Variants in OSBP2 observed in about 807,000 individuals in gnomAD.
The protein encoded by OSBP2 is oxysterol binding protein 2, also known as oxysterol-binding protein 2.
A neutral mutation model predicts 96.0 loss-of-function variants in OSBP2; 66 were observed. The observed-to-expected ratio is 0.69, with a 90% confidence interval of 0.56 to 0.84. OSBP2 has a LOEUF of 0.84. Ranked by LOEUF, OSBP2 falls within the 40% of genes least tolerant of loss-of-function variation. The pLI is 0.00. For synonymous variants in OSBP2, 525 were observed against 520.9 expected (o/e 1.01, Z -0.11); for missense variants, 1,038 against 1,222.7 (o/e 0.85, Z 2.25).
chr22:30,825,537 A>G (rs889855408), intron 2 of OSBP2, among the ~76,000 whole-genome samples: 1 of 152,208 alleles, frequency 6.6e-6, no homozygotes, highest in Admixed American at 6.5e-5. Flanking sequence ...CAATGGGGGA[A>G]GCACCCACTT....
rs1019491597 is a variant in OSBP2, at chr22:30,894,094, G to A, written c.2375+93G>A. ...AACTGACAGGCACAGGAGGTCGGGAGGGTTCAGTCCACACATGGGCAGAGA... is the reference window on the plus strand; with the variant it reads ...AACTGACAGGCACAGGAGGTCGGGAAGGTTCAGTCCACACATGGGCAGAGA... On this transcript the variant is annotated intron_variant, in intron 12 of 13. Coordinates refer to ENST00000332585, the MANE Select transcript of OSBP2 (RefSeq NM_030758.4). 28 of 1,127,198 alleles carry A rather than the reference G, an allele frequency of 2.5e-5. No homozygotes were observed. The Admixed American group carries it at 5.6e-4, about 23-fold the overall frequency. The allele number at this position is 1,127,198 out of a possible 1,614,324, so 69.8% of individuals were successfully genotyped here.
At chr22:30,836,092 TG>T (rs2038626646) in intron 2 of OSBP2, among the ~76,000 whole-genome samples, 1 of 152,204 alleles carries the variant, frequency 6.6e-6, no homozygotes. Flanking sequence ...TTCTCTCCTC[TG>T]ATCCACTCTA....
intron 12 of OSBP2, among the ~76,000 whole-genome samples, chr22:30,903,582 T>C (rs978297702): frequency 1.3e-5 from 2 of 152,242 alleles, no homozygotes; most frequent in Non-Finnish European, 2.9e-5. Context: ...CGAGGCTGTG[T>C]CCCAATGAGT....
chr22:30,803,131 A>G, intron 2 of OSBP2: 1 of 201,378 alleles, frequency 5.0e-6, no homozygotes. Context: ...GAGCCCTCGC[A>G]GCCTCGGGGC....
Position 30,694,965 on chromosome 22 carries a change from G to T in OSBP2, c.56G>T (p.Gly19Val). ...GGCGGCTGTGGCGGCCGCTCCCGCG[G>T]GCTCTCGTCGCTGTTCACGGTTGTC... is the stretch of plus-strand genomic sequence containing the variant. ...RGGGCGGRSR[G>V]LSSLFTVVPC... Residue 19 changes from glycine to valine, a missense_variant, in exon 1 of 14, where the codon GGG becomes GTG. Gly to Val is a moderately radical substitution (Grantham distance 109). Transcript: ENST00000332585. 3 of 1,499,572 alleles carry T rather than the reference G, an allele frequency of 2.0e-6. No homozygotes were observed. Among genetic ancestry groups the T allele is most frequent in the Non-Finnish European group, 2.6e-6 (3 of 1,132,312 alleles). 92.9% of individuals were successfully genotyped at this position (1,499,572 alleles called of 1,614,324 possible).
Position 30,887,429 on chromosome 22 carries a change from T to C in OSBP2, c.1111T>C (p.Cys371Arg). The change falls in exon 4 of 14, where the codon TGC becomes CGC. Residue 371 changes from cysteine to arginine, a missense_variant. By Grantham distance (180) the Cys-to-Arg change is radical. This residue lies in a region of OSBP2 where 737 missense variants were observed against 913.3 expected (regional missense o/e 0.81). Transcript: ENST00000332585. ...ACCGCCACTCCTCCCTCCCCAGGCC[T>C]GCAGGGACTTCTTGGAACTAGCAGA... ...RITSNAMINACRDFLELAEIH... is the reference protein window; with the variant it reads ...RITSNAMINARRDFLELAEIH... 6.2e-7 allele frequency: 1 copy of C among 1,612,410 alleles called. No homozygotes were observed. Among genetic ancestry groups the C allele is most frequent in the Non-Finnish European group, 8.5e-7 (1 of 1,178,966 alleles).
chr22:30,733,409 G>A (rs542456573), intron 1 of OSBP2, among the ~76,000 whole-genome samples: 20 of 152,332 alleles, frequency 1.3e-4, no homozygotes, highest in Admixed American at 8.5e-4. Context: ...GGGGATAAAT[G>A]AAGAGCATTT....
Position 30,695,465 on chromosome 22 carries a change from G to A in OSBP2, c.556G>A (p.Glu186Lys), listed in dbSNP as rs959966548. The A allele has an allele frequency of 1.3e-5, 21 of 1,613,404 alleles. No homozygotes were observed. Among genetic ancestry groups the A allele is most frequent in the Non-Finnish European group, 1.4e-5 (16 of 1,180,050 alleles). Reference sequence around the variant, plus strand: ...GGCCTTACTGCCTCTGGACAGCTTCGAGGGCTGGCTTCTCAAGTGGACCAA... The same window carrying A: ...GGCCTTACTGCCTCTGGACAGCTTCAAGGGCTGGCTTCTCAAGTGGACCAA... ...PLALLPLDSFEGWLLKWTNYL... is the reference protein window; with the variant it reads ...PLALLPLDSFKGWLLKWTNYL... Residue 186 changes from glutamate to lysine, a missense_variant, in exon 1 of 14, where the codon GAG becomes AAG. This residue lies in a region of OSBP2 where 281 missense variants were observed against 273.4 expected (regional missense o/e 1.03). Coordinates refer to ENST00000332585, the MANE Select transcript of OSBP2 (RefSeq NM_030758.4).
chr22:30,897,807 G>A (rs536686480), intron 12 of OSBP2, among the ~76,000 whole-genome samples: 11 of 152,120 alleles, frequency 7.2e-5, no homozygotes, highest in South Asian at 4.2e-4. Flanking sequence ...AAAATTAGCC[G>A]AGCGTGGTGG....
chr22:30,731,378 C>G (rs1021639005), intron 1 of OSBP2, among the ~76,000 whole-genome samples: 1 of 152,064 alleles, frequency 6.6e-6, no homozygotes, highest in Admixed American at 6.6e-5. Context: ...ATGGACTTTT[C>G]CAGAACTTAC....
intron 2 of OSBP2, among the ~76,000 whole-genome samples, chr22:30,869,917 A>G (rs1203669548): frequency 1.3e-5 from 2 of 152,140 alleles, no homozygotes; most frequent in Non-Finnish European, 2.9e-5. Flanking sequence ...CAGGGGACAG[A>G]TTGGTGTGGC....
chr22:30,730,490 A>G (rs1354545026), intron 1 of OSBP2, among the ~76,000 whole-genome samples: 1 of 151,740 alleles, frequency 6.6e-6, no homozygotes, highest in African/African-American at 2.4e-5. Context: ...TGTCGTATTT[A>G]TTTTTGTATC....
intron 2 of OSBP2, among the ~76,000 whole-genome samples, chr22:30,757,664 C>T (rs979069199): frequency 3.3e-5 from 5 of 152,032 alleles, no homozygotes; most frequent in African/African-American, 4.8e-5. Flanking sequence ...GTGGTCTGCC[C>T]GCCTCGGCCT....
chr22:30,752,153 C>A (rs1261014295), intron 2 of OSBP2, among the ~76,000 whole-genome samples: 1 of 152,140 alleles, frequency 6.6e-6, no homozygotes, highest in Non-Finnish European at 1.5e-5. Flanking sequence ...AGTAGTGATT[C>A]TCTGCCTGTG....
At chr22:30,707,649 G>A (rs988985587) in intron 1 of OSBP2, among the ~76,000 whole-genome samples, 16 of 151,232 alleles carry the variant, frequency 1.1e-4, no homozygotes, top group East Asian at 2.0e-4. Context: ...CCCGGGTGGC[G>A]GAGCTTGCAG....
At chr22:30,782,755 C>T (rs750470498) in intron 2 of OSBP2, among the ~76,000 whole-genome samples, 4 of 152,118 alleles carry the variant, frequency 2.6e-5, no homozygotes, top group African/African-American at 7.2e-5. Flanking sequence ...TGGACATACA[C>T]GTTTTTTTAT....
chr22:30,870,439 G>A lies in OSBP2; in HGVS notation c.864G>A (p.Gly288=). The A allele has an allele frequency of 1.2e-6, 2 of 1,613,894 alleles. No individual in the cohort carries two copies. The highest frequency in any genetic ancestry group is 2.7e-5 in the African/African-American group (2 of 75,052). The change falls in exon 3 of 14, where the codon GGG becomes GGA. Residue 288 remains glycine, a synonymous_variant. Transcript: ENST00000332585. The surrounding 1 kb of genome is among the most constrained non-coding windows in gnomAD (Gnocchi z 4.1). The stretch of plus-strand genomic sequence containing the variant: ...TATTTTCTTCCACAGATGACTCTGG[G>A]GACGACGACGAGGCTACCACCCCAG... ...RVMNTHSDDS[G]DDDEATTPAD... is the part of the protein sequence containing the mutation.
At chr22:30,789,330 G>A (rs1254633687) in intron 2 of OSBP2, among the ~76,000 whole-genome samples, 1 of 152,110 alleles carries the variant, frequency 6.6e-6, no homozygotes, top group African/African-American at 2.4e-5. Context: ...AGAGAGAGGG[G>A]GCCTGAATCT....
intron 2 of OSBP2, among the ~76,000 whole-genome samples, chr22:30,815,003 C>T (rs749912702): frequency 7.2e-5 from 11 of 151,892 alleles, no homozygotes; most frequent in Non-Finnish European, 1.3e-4. Flanking sequence ...TGGGCTGGGC[C>T]GGGCACGGTG....
Sources: allele counts gnomAD v4.1 joint callset (sites outside exome capture counted in the v4.1 genomes callset), GRCh38; gene constraint gnomAD v4.1.1; regional missense constraint gnomAD v4.1.1; non-coding constraint Gnocchi (gnomAD v3.1); transcripts MANE v1.5; gene names NCBI Gene and HGNC (gene_info 2026-07-23, HGNC 2026-07-21).